Variants in PIGU observed in about 807,000 individuals in gnomAD.
PIGU encodes the protein GPI-anchor transamidase component PIGU.
A neutral mutation model predicts 49.9 loss-of-function variants in PIGU; 24 were observed. The ratio of observed to expected loss-of-function variants is 0.48; its 90% CI spans 0.35 to 0.68. The LOEUF (loss-of-function observed/expected upper bound fraction) is 0.68. Ranked by LOEUF, PIGU falls within the 30% of genes least tolerant of loss-of-function variation. The probability of loss-of-function intolerance (pLI) is 0.01; values close to 1 mark genes in which losing one functional copy is unlikely to be tolerated. For synonymous variants in PIGU, 220 were observed against 205.7 expected (o/e 1.07, Z -0.59); for missense variants, 490 against 532.6 (o/e 0.92, Z 0.79).
chr20:34,573,754 A>C (rs1392247911), intron 11 of PIGU, among the ~76,000 whole-genome samples: 1 of 152,250 alleles, frequency 6.6e-6, no homozygotes, highest in Non-Finnish European at 1.5e-5. Context: ...CGTGGGTCAG[A>C]AGTAAGAGAG....
At chr20:34,602,860 A>G (rs746716610) in intron 7 of PIGU, among the ~76,000 whole-genome samples, 2 of 152,026 alleles carry the variant, frequency 1.3e-5, no homozygotes, top group Non-Finnish European at 2.9e-5. Context: ...CCTCCCTCCA[A>G]AGTAATCACT....
chr20:34,603,392 CT>C (rs1278709089), intron 7 of PIGU, among the ~76,000 whole-genome samples: 1 of 152,104 alleles, frequency 6.6e-6, no homozygotes, highest in Non-Finnish European at 1.5e-5. Flanking sequence ...ATATGGTTAT[CT>C]AGTGGTACAG....
intron 9 of PIGU, among the ~76,000 whole-genome samples, chr20:34,583,066 G>A (rs901956068): frequency 2.0e-5 from 3 of 152,226 alleles, no homozygotes; most frequent in Non-Finnish European, 4.4e-5. Flanking sequence ...CAGGTCAAAG[G>A]TCAGGGTGAC....
intron 6 of PIGU, among the ~76,000 whole-genome samples, chr20:34,616,408 C>T (rs892639894): frequency 3.3e-5 from 5 of 152,102 alleles, no homozygotes; most frequent in Admixed American, 6.5e-5. Flanking sequence ...AGACCCAGAA[C>T]GATTTTACAA....
intron 2 of PIGU, among the ~76,000 whole-genome samples, chr20:34,652,103 G>A (rs963554712): frequency 6.6e-6 from 1 of 152,098 alleles, no homozygotes; most frequent in African/African-American, 2.4e-5. Flanking sequence ...AGGATCAAGC[G>A]ATCCTCCTAC....
chr20:34,617,667 A>C (rs961037305), intron 6 of PIGU, among the ~76,000 whole-genome samples: 3 of 152,194 alleles, frequency 2.0e-5, no homozygotes, highest in African/African-American at 7.2e-5. Flanking sequence ...TTTTGGGTTA[A>C]TGCTGAAATG....
rs1055443987 is a variant in PIGU, at chr20:34,676,955, C to T, written c.130+1G>A. Reference sequence around the variant, plus strand: ...CAGTCTGCTCGAGCCAGTGGCCTCACCTCTCTTCCAAGAGCTCAGTGGGGA... The same window carrying T: ...CAGTCTGCTCGAGCCAGTGGCCTCATCTCTCTTCCAAGAGCTCAGTGGGGA... On this transcript the variant is annotated splice_donor_variant, in intron 1 of 11. Transcript: ENST00000217446. LOFTEE classifies it high-confidence loss of function. 3.2e-6 allele frequency: 5 copies of T among 1,569,450 alleles called. No homozygotes were observed. Among genetic ancestry groups the T allele is most frequent in the South Asian group, 1.2e-5 (1 of 85,368 alleles).
rs567495165 is a variant in PIGU at position 34,636,543 on chromosome 20, C to CAAAT, written c.428+1329_428+1332dup. On this transcript the variant is annotated intron_variant, in intron 5 of 11. Transcript: ENST00000217446. ...TGGGCAACAGAGCAAGACTCCGTCTCAAATAAATAAATAAATAATCAAGAG... is the reference window on the plus strand; with the variant it reads ...TGGGCAACAGAGCAAGACTCCGTCTCAAATAAATAAATAAATAAATAATCAAGAG... Among the ~76,000 whole-genome samples, 102 of 151,974 alleles carry CAAAT rather than the reference C, an allele frequency of 6.7e-4. 2 individuals are homozygous for CAAAT. In the South Asian group the frequency reaches 8.7e-3, roughly 13 times the overall value.
chr20:34,661,268 T>C (rs959224710), intron 1 of PIGU, among the ~76,000 whole-genome samples: 15 of 152,090 alleles, frequency 9.9e-5, no homozygotes, highest in African/African-American at 2.4e-4. Context: ...CATGGGTAAA[T>C]TGCATGTCAT....
intron 2 of PIGU, among the ~76,000 whole-genome samples, chr20:34,650,682 T>C (rs2146777146): frequency 6.7e-6 from 1 of 148,672 alleles, no homozygotes; most frequent in South Asian, 2.1e-4. Flanking sequence ...GGTAATTTTT[T>C]TCCTTTTCTT....
chr20:34,585,548 CCAATG>C lies in PIGU; in HGVS notation c.810_814del (p.Asn270LysfsTer12). 2 of 1,613,746 alleles carry C rather than the reference CCAATG, an allele frequency of 1.2e-6. No homozygotes were observed. The highest frequency in any genetic ancestry group is 1.7e-6 in the Non-Finnish European group (2 of 1,179,664). On this transcript the variant is annotated frameshift_variant, in exon 9 of 12. Transcript: ENST00000217446. LOFTEE classifies it high-confidence loss of function. ...CTCTGCAAAGAAGTACCAGAAAAGA[CCAATG>C]TTTGGAGTGAGATCTGGAACAGAAA...
At chr20:34,643,182 G>A (rs1330217591) in intron 4 of PIGU, among the ~76,000 whole-genome samples, 2 of 152,094 alleles carry the variant, frequency 1.3e-5, no homozygotes, top group Non-Finnish European at 2.9e-5. Context: ...AATTTTAGAG[G>A]AAGAGTCAAA....
At chr20:34,593,341 GAAAA>G (rs61048902) in intron 7 of PIGU, among the ~76,000 whole-genome samples, 1 of 144,070 alleles carries the variant, frequency 6.9e-6, no homozygotes, top group Non-Finnish European at 1.5e-5. Context: ...CTGTCTTAAA[GAAAA>G]AAAAAAAAAA....
rs567735698 is a variant in PIGU, at chr20:34,599,076, A to G, written c.628-10469T>C. Among the ~76,000 whole-genome samples, 11 of 152,220 alleles carry G rather than the reference A, an allele frequency of 7.2e-5. No individual in the cohort carries two copies. In the East Asian group the frequency reaches 2.1e-3, roughly 29 times the overall value. ...CTCATAAGCCACCACATCTGGCCCA[A>G]TTCTGCTTTTGAATACTTCAATTTC... On this transcript the variant is annotated intron_variant, in intron 7 of 11. Coordinates refer to ENST00000217446, the MANE Select transcript of PIGU (RefSeq NM_080476.5).
At chr20:34,671,298 G>T (rs984324266) in intron 1 of PIGU, among the ~76,000 whole-genome samples, 8 of 151,702 alleles carry the variant, frequency 5.3e-5, no homozygotes, top group Admixed American at 2.6e-4. Context: ...AGTTTTGCTC[G>T]TTGCCCAGGC....
chr20:34,626,610 A>AT (rs1985504320), intron 6 of PIGU, among the ~76,000 whole-genome samples: 1 of 151,946 alleles, frequency 6.6e-6, no homozygotes. Context: ...GGCCAAAAAA[A>AT]CTCCAAACAT....
At chr20:34,648,203 G>A (rs997011172) in intron 2 of PIGU, among the ~76,000 whole-genome samples, 1 of 138,170 alleles carries the variant, frequency 7.2e-6, no homozygotes, top group Non-Finnish European at 1.5e-5. Flanking sequence ...AGTGAGCCTT[G>A]TTTGTACCAC....
At chr20:34,639,653 A>T (rs1226847799) in intron 4 of PIGU, among the ~76,000 whole-genome samples, 2 of 152,176 alleles carry the variant, frequency 1.3e-5, no homozygotes, top group South Asian at 2.1e-4. Context: ...TTAAAAAAAA[A>T]TTAACCAAAA....
chr20:34,668,184 C>T (rs1987160344), intron 1 of PIGU, among the ~76,000 whole-genome samples: 1 of 151,978 alleles, frequency 6.6e-6, no homozygotes. Flanking sequence ...AATATGTGGC[C>T]AGGCGCGGTG....
Sources: allele counts gnomAD v4.1 joint callset (sites outside exome capture counted in the v4.1 genomes callset), GRCh38; gene constraint gnomAD v4.1.1; transcripts MANE v1.5; gene names NCBI Gene and HGNC (gene_info 2026-07-23, HGNC 2026-07-21).